The following JAKMIP1 variants were observed in gnomAD, a reference collection of about 807,000 sequenced individuals.
JAKMIP1 encodes the protein janus kinase and microtubule interacting protein 1.
JAKMIP1 carries 33 observed loss-of-function variants against 113.0 expected under a neutral mutation model. That is an observed-to-expected ratio of 0.29 (90% CI 0.22 to 0.39). The LOEUF is 0.39. Ranked by LOEUF, JAKMIP1 falls within the 10% of genes least tolerant of loss-of-function variation. JAKMIP1 has a pLI of 1.00. For synonymous variants in JAKMIP1, 480 were observed against 459.9 expected, an observed-to-expected ratio of 1.04 and a Z score of -0.56; for missense variants, 813 against 1,080.5, an observed-to-expected ratio of 0.75 and a Z score of 3.47.
Position 6,050,663 on chromosome 4 carries a change from G to A in JAKMIP1, c.1823C>T (p.Ser608Leu). 2.6e-6 allele frequency: 4 copies of A among 1,562,976 alleles called. No homozygotes were observed. Among genetic ancestry groups the A allele is most frequent in the Non-Finnish European group, 3.5e-6 (4 of 1,152,784 alleles). Reference sequence around the variant, plus strand: ...GGTGATTTGGAGGTTAAATGCTGGCGACCTCCTCTCTCTCTCCTGGGGAAA... The same window carrying A: ...GGTGATTTGGAGGTTAAATGCTGGCAACCTCCTCTCTCTCTCCTGGGGAAA... ...VLELEERERR[S>L]PAFNLQITTF... Residue 608 changes from serine (S) to leucine (L), a missense_variant, in exon 14 of 21, where the codon TCG becomes TTG. Ser to Leu is a moderately radical substitution (Grantham distance 145). Transcript: ENST00000409021. The surrounding 1 kb of genome is among the most constrained non-coding windows in gnomAD (Gnocchi z 7.4).
chr4:6,053,945 T>G (rs779425270), intron 13 of JAKMIP1, 105 bp downstream of exon 13: 1 of 1,597,296 alleles, frequency 6.3e-7, no homozygotes, highest in South Asian at 1.1e-5. Flanking sequence ...ACATGTCCCC[T>G]TTACACATGC....
chr4:6,084,567 C>T (rs543340925), intron 5 of JAKMIP1, among the ~76,000 whole-genome samples: 4 of 152,024 alleles, frequency 2.6e-5, no homozygotes, highest in South Asian at 2.1e-4. Flanking sequence ...TTTTCGGTTT[C>T]GGTTGTTAAC....
rs112356910 is a variant in JAKMIP1, at chr4:6,045,643, C to A, written c.2028+3214G>T. Among the ~76,000 whole-genome samples, 801 of 152,298 alleles carry A rather than the reference C, an allele frequency of 5.3e-3. 7 individuals are homozygous for A. Among genetic ancestry groups the A allele is most frequent in the African/African-American group, 0.018 (738 of 41,570 alleles). ...ATCCCAGCACTTTGGGAGGCCAAGG[C>A]GGGTAGATCACTTGAGGTCAGGAGT... On this transcript the variant is annotated intron_variant, in intron 16 of 20. Coordinates refer to ENST00000409021, the MANE Select transcript of JAKMIP1 (RefSeq NM_001099433.2).
Position 6,054,110 on chromosome 4 carries a change from A to G in JAKMIP1, c.1746T>C (p.Asn582=). Residue 582 remains asparagine, a synonymous_variant, in exon 13 of 21, where the codon AAT becomes AAC. Transcript: ENST00000409021. ...RLEMEENQLK[N]EMQDAKDQNE... ...TCTGATCCTTGGCGTCTTGCATTTCATTCTTCAGCTGGTTCTCTTCCATTT... is the reference window on the plus strand; with the variant it reads ...TCTGATCCTTGGCGTCTTGCATTTCGTTCTTCAGCTGGTTCTCTTCCATTT... 1 of 1,614,184 alleles carries G rather than the reference A, an allele frequency of 6.2e-7. No individual in the cohort carries two copies. Among genetic ancestry groups the G allele is most frequent in the Non-Finnish European group, 8.5e-7 (1 of 1,180,020 alleles).
intron 19 of JAKMIP1, among the ~76,000 whole-genome samples, chr4:6,032,775 G>A (rs566961268): frequency 1.3e-5 from 2 of 152,352 alleles, no homozygotes; most frequent in Admixed American, 6.5e-5. Flanking sequence ...GCAGTTGGAA[G>A]GGGCTCTAGA....
intron 1 of JAKMIP1, among the ~76,000 whole-genome samples, chr4:6,172,625 C>A (rs578174881): frequency 3.3e-5 from 5 of 152,290 alleles, no homozygotes; most frequent in Admixed American, 3.3e-4. Flanking sequence ...GATGGGAGCC[C>A]CTAATGGCAG....
chr4:6,131,181 C>G, intron 1 of JAKMIP1, among the ~76,000 whole-genome samples: 1 of 30,798 alleles, frequency 3.2e-5, no homozygotes, highest in African/African-American at 1.3e-4. Flanking sequence ...AAAAATATCC[C>G]AGGACTATAA....
chr4:6,143,624 A>ATCCT lies in JAKMIP1; in HGVS notation c.-147-30631_-147-30628dup, dbSNP rs1039388879. Among the ~76,000 whole-genome samples, 1 of 152,184 alleles carries ATCCT rather than the reference A, an allele frequency of 6.6e-6. No individual in the cohort carries two copies. The highest frequency in any genetic ancestry group is 2.4e-5 in the African/African-American group (1 of 41,434). ...CTAGAACAGCAGTTCTCTGAGTGAG[A>ATCCT]TCCTTAGACCAGCAGCATCTGCATC... On this transcript the variant is annotated intron_variant, in intron 1 of 20. Transcript: ENST00000409021. The surrounding 1 kb of genome is among the most constrained non-coding windows in gnomAD (Gnocchi z 4.9).
intron 3 of JAKMIP1, 26 bp downstream of exon 3, chr4:6,105,447 C>A: frequency 6.4e-7 from 1 of 1,557,602 alleles, no homozygotes; most frequent in Non-Finnish European, 8.7e-7. Flanking sequence ...CGCGTGCCCG[C>A]GGGCGGGGGA....
At chr4:6,130,847 A>T (rs1164050739) in intron 1 of JAKMIP1, among the ~76,000 whole-genome samples, 1 of 152,132 alleles carries the variant, frequency 6.6e-6, no homozygotes, top group African/African-American at 2.4e-5. Flanking sequence ...GCAATGAAAA[A>T]AAAGACTAAA....
At chr4:6,066,919 C>T (rs952311203) in intron 8 of JAKMIP1, among the ~76,000 whole-genome samples, 1 of 152,200 alleles carries the variant, frequency 6.6e-6, no homozygotes, top group African/African-American at 2.4e-5. Context: ...CCCACACACA[C>T]CTGCCATGGG....
rs1719755874 is a variant in JAKMIP1 at position 6,139,360 on chromosome 4, C to A, written c.-147-26363G>T. 1.3e-5 allele frequency among the ~76,000 whole-genome samples: 2 copies of A among 152,172 alleles called. No homozygotes were observed. Among genetic ancestry groups the A allele is most frequent in the African/African-American group, 2.4e-5 (1 of 41,412 alleles). On this transcript the variant is annotated intron_variant, in intron 1 of 20. Coordinates refer to ENST00000409021, the MANE Select transcript of JAKMIP1 (RefSeq NM_001099433.2). The surrounding 1 kb of genome is among the most constrained non-coding windows in gnomAD (Gnocchi z 5.2). ...CCAAATTCATACGCTGAGGTCCTAA[C>A]CCCCAGTACCCTCAGAGGTGGTCTT...
rs944379119 is a variant in JAKMIP1 at position 6,064,444 on chromosome 4, T to G, written c.1431+436A>C. ...CCTTCTTCTTTATATATTTTTGGAT[T>G]ACATGCTTTATCTTAGTCAAGAAAG... is the stretch of plus-strand genomic sequence containing the variant. On this transcript the variant is annotated intron_variant, in intron 9 of 20. Coordinates refer to ENST00000409021, the MANE Select transcript of JAKMIP1 (RefSeq NM_001099433.2). The surrounding 1 kb of genome is among the most constrained non-coding windows in gnomAD (Gnocchi z 4.3). 2.6e-5 allele frequency among the ~76,000 whole-genome samples: 4 copies of G among 152,324 alleles called. No individual in the cohort carries two copies. The highest frequency in any genetic ancestry group is 1.3e-4 in the Admixed American group (2 of 15,300).
chr4:6,030,801 C>T (rs1055422395), intron 19 of JAKMIP1, among the ~76,000 whole-genome samples: 9 of 152,228 alleles, frequency 5.9e-5, no homozygotes, highest in Non-Finnish European at 8.8e-5. Flanking sequence ...GATTCTCCAG[C>T]CTGTGTCAGC....
At chr4:6,132,170 C>T (rs1286612932) in intron 1 of JAKMIP1, among the ~76,000 whole-genome samples, 2 of 152,108 alleles carry the variant, frequency 1.3e-5, no homozygotes, top group Non-Finnish European at 2.9e-5. Context: ...AGAGACGAAA[C>T]GGGACTCATG....
Position 6,200,329 on chromosome 4 carries a change from G to A in JAKMIP1, c.-224C>T. ...CAGCCCCGCGCCGCATCCTCCGGCC[G>A]CCCCCTCCCCGCTGCGAGCTTACGC... On this transcript the variant is annotated 5_prime_UTR_variant, in exon 1 of 21. Coordinates refer to ENST00000409021, the MANE Select transcript of JAKMIP1 (RefSeq NM_001099433.2). The surrounding 1 kb of genome is among the most constrained non-coding windows in gnomAD (Gnocchi z 7.0). The A allele has an allele frequency of 6.5e-6, 1 of 153,972 alleles. No homozygotes were observed. Among genetic ancestry groups the A allele is most frequent in the South Asian group, 1.8e-4 (1 of 5,642 alleles). The allele number at this position is 153,972 out of a possible 1,614,324, so 9.5% of individuals were successfully genotyped here.
In JAKMIP1 at chr4:6,097,760, G is replaced by A. The variant is rs535391211; in HGVS notation, c.624+7713C>T. 2.0e-5 allele frequency among the ~76,000 whole-genome samples: 3 copies of A among 152,312 alleles called. No homozygotes were observed. The highest frequency in any genetic ancestry group is 3.4e-3 in the Middle Eastern group (1 of 294). ...CTCATCATCATTTGACAAATGGTGT[G>A]AGTCAACCATTCCATGGGAAAAGCC... On this transcript the variant is annotated intron_variant, in intron 3 of 20. Transcript: ENST00000409021. The surrounding 1 kb of genome is among the most constrained non-coding windows in gnomAD (Gnocchi z 4.3).
rs1715338207 is a variant in JAKMIP1 at position 6,049,036 on chromosome 4, T to G, written c.1963-114A>C. On this transcript the variant is annotated intron_variant, in intron 15 of 20. Coordinates refer to ENST00000409021, the MANE Select transcript of JAKMIP1 (RefSeq NM_001099433.2). The surrounding 1 kb of genome is among the most constrained non-coding windows in gnomAD (Gnocchi z 7.0). ...TTGTTGTTGTTTGTTTTATTATGTT[T>G]GTTTGTTTTGAGACGGAGTCTCTCT... 2.5e-6 allele frequency: 2 copies of G among 785,634 alleles called. No homozygotes were observed. Among genetic ancestry groups the G allele is most frequent in the Non-Finnish European group, 4.3e-6 (2 of 466,728 alleles). The allele number at this position is 785,634 out of a possible 1,614,324, so 48.7% of individuals were successfully genotyped here. A position where few individuals can be genotyped will look rare whatever the true frequency, so the allele number is the denominator to read the frequency against.
At chr4:6,110,531 C>T (rs1346230420) in intron 2 of JAKMIP1, among the ~76,000 whole-genome samples, 1 of 150,586 alleles carries the variant, frequency 6.6e-6, no homozygotes. Context: ...GGAAGCCACA[C>T]CTGATCTCTC....
Sources: gnomAD v4.1 joint callset for allele counts (sites outside exome capture counted in the v4.1 genomes callset) on GRCh38, gnomAD v4.1.1 for gene constraint, Gnocchi (gnomAD v3.1) non-coding constraint, MANE v1.5 for transcripts, NCBI Gene and HGNC (gene_info 2026-07-23, HGNC 2026-07-21) for gene names.